Variants in GCN1 observed in about 807,000 individuals in gnomAD.
GCN1 encodes the protein GCN1 activator of EIF2AK4.
Under a neutral mutation model 288.4 loss-of-function variants are expected in GCN1, and 90 were observed. The observed-to-expected ratio is 0.31, with a 90% CI of 0.26 to 0.37. The LOEUF is 0.37. Among genes scored for constraint, GCN1 ranks in the 10% least tolerant of loss-of-function variants. GCN1 has a pLI of 1.00. For missense variants in GCN1, 2,586 were observed against 3,419.9 expected, an observed-to-expected ratio of 0.76 and a Z score of 6.08; for synonymous variants, 1,386 against 1,420.2, an observed-to-expected ratio of 0.98 and a Z score of 0.54.
At chr12:120,193,800 T>G (rs1313066567) in intron 1 of GCN1, among the ~76,000 whole-genome samples, 1 of 152,238 alleles carries the variant, frequency 6.6e-6, no homozygotes, top group African/African-American at 2.4e-5. Context: ...ATCAGCCACC[T>G]GCATAGGAGT....
intron 1 of GCN1, among the ~76,000 whole-genome samples, 200 bp downstream of exon 1, chr12:120,194,480 G>C (rs921744834): frequency 2.6e-5 from 4 of 152,196 alleles, no homozygotes; most frequent in African/African-American, 7.2e-5. Context: ...CGGACTCCTC[G>C]AGCCCGCGGT....
intron 22 of GCN1, among the ~76,000 whole-genome samples, 184 bp downstream of exon 22, chr12:120,161,306 A>G (rs56108585): frequency 0.015 from 2,295 of 152,270 alleles, 35 homozygotes; most frequent in Non-Finnish European, 0.02. Context: ...GGGTGGAAGA[A>G]GCTATGAAGC....
intron 51 of GCN1, among the ~76,000 whole-genome samples, chr12:120,135,035 C>T (rs1049446918): frequency 2.6e-5 from 4 of 152,190 alleles, no homozygotes; most frequent in African/African-American, 7.2e-5. Context: ...CTGTCCATAT[C>T]GATAAGTGAC....
In GCN1 at chr12:120,127,886, T is replaced by A. The variant is rs769464525; in HGVS notation, c.7979A>T (p.Asp2660Val). 6.2e-7 allele frequency: 1 copy of A among 1,613,866 alleles called. No individual in the cohort carries two copies. Among genetic ancestry groups the A allele is most frequent in the African/African-American group, 1.3e-5 (1 of 74,858 alleles). ...GGTGTCGTCCACCTGCTCCGTGGAGTCGGCCTGGCTGGCCAGCTTCTTCAG... is the reference window on the plus strand; with the variant it reads ...GGTGTCGTCCACCTGCTCCGTGGAGACGGCCTGGCTGGCCAGCTTCTTCAG... Reference protein sequence around the residue: ...RSLKKLASQADSTEQVDDTIL... With the variant: ...RSLKKLASQAVSTEQVDDTIL... Residue 2660 changes from aspartate to valine, a missense_variant, in exon 58 of 58, where the codon GAC becomes GTC. Asp to Val is a radical substitution (Grantham distance 152). This residue lies in a region of GCN1 where 355 missense variants were observed against 431.1 expected (regional missense o/e 0.82). Transcript: ENST00000300648.
rs376427872 is a variant in GCN1, at chr12:120,177,582, T to C, written c.730-27A>G. On this transcript the variant is annotated intron_variant, in intron 8 of 57. Coordinates refer to ENST00000300648, the MANE Select transcript of GCN1 (RefSeq NM_006836.2). ...TACAAAGAAAAAGGAATAAGGCACC[T>C]AGCCCTCATGGGAACGGACCAAGAA... 76 of 1,550,550 alleles carry C rather than the reference T, an allele frequency of 4.9e-5. No homozygotes were observed. In the African/African-American group the frequency reaches 8.5e-4, roughly 17 times the overall value.
intron 45 of GCN1, among the ~76,000 whole-genome samples, chr12:120,139,265 G>A (rs1287715417): frequency 6.6e-6 from 1 of 151,898 alleles, no homozygotes; most frequent in African/African-American, 2.4e-5. Context: ...AAAAGAGATG[G>A]TGCCCCTGTA....
Position 120,153,854 on chromosome 12 carries a change from C to A in GCN1, c.3757G>T (p.Val1253Leu). ...ACAAAAAACTGAAAGAGTGGCTTCA[C>A]CTGAGAGCTGTCCAAATACTGGGAG... ...KLSQYLDSSQ[V>L]KPLFQFFVPD... The change falls in exon 32 of 58, where the codon GTG becomes TTG. Residue 1253 changes from valine to leucine, a missense_variant. Val to Leu is a conservative substitution (Grantham distance 32, BLOSUM62 1). Coordinates refer to ENST00000300648, the MANE Select transcript of GCN1 (RefSeq NM_006836.2). This position sits in a 1 kb window ranked among gnomAD's most constrained non-coding sequence, Gnocchi z 4.4. 1 of 1,614,072 alleles carries A rather than the reference C, an allele frequency of 6.2e-7. No homozygotes were observed. The highest frequency in any genetic ancestry group is 8.5e-7 in the Non-Finnish European group (1 of 1,179,930).
At chr12:120,187,902 C>A (rs61552009) in intron 2 of GCN1, among the ~76,000 whole-genome samples, 28,669 of 138,744 alleles carry the variant, frequency 0.21, 3,299 homozygotes, top group East Asian at 0.53. Context: ...AAAAAAAAAA[C>A]AAAAAACTAG....
intron 56 of GCN1, 138 bp downstream of exon 56, chr12:120,130,508 G>A (rs972164080): frequency 1.5e-5 from 10 of 647,016 alleles, no homozygotes; most frequent in African/African-American, 1.3e-4. Context: ...ATCCCTAAGT[G>A]TTCAGCGATC....
Position 120,160,021 on chromosome 12 carries a change from C to T in GCN1, c.2553G>A (p.Leu851=). 6.2e-7 allele frequency: 1 copy of T among 1,614,024 alleles called. No individual in the cohort carries two copies. The highest frequency in any genetic ancestry group is 8.5e-7 in the Non-Finnish European group (1 of 1,179,888). Residue 851 remains leucine (L), a splice_region_variant and synonymous_variant, in exon 24 of 58, where the codon CTG becomes CTA. Transcript: ENST00000300648. The part of the protein sequence containing the change: ...EAQVRRRLQE[L]DGELEAALGL... ...CAAGCGCCGCCTCCAGCTCCCCATC[C>T]AGCTGCAAGCAGAGTTGTCCAGAAG...
rs146668740 is a variant in GCN1, at chr12:120,157,595, C to T, written c.3087+254G>A. On this transcript the variant is annotated intron_variant, in intron 26 of 57. Coordinates refer to ENST00000300648, the MANE Select transcript of GCN1 (RefSeq NM_006836.2). ...TACATCCATAGCACAGAATCTCATG[C>T]AGCCAACAAAGTCAATCAGGTGAAC... Among the ~76,000 whole-genome samples the T allele has an allele frequency of 3.8e-3, 581 of 152,338 alleles. 4 individuals are homozygous for T. The highest frequency in any genetic ancestry group is 0.013 in the African/African-American group (537 of 41,582).
chr12:120,144,223 G>T lies in GCN1; in HGVS notation c.5495+83C>A, dbSNP rs982544741. The T allele has an allele frequency of 3.4e-6, 5 of 1,478,200 alleles. No homozygotes were observed. In the African/African-American group the frequency reaches 4.2e-5, roughly 12 times the overall value. The allele number at this position is 1,478,200 out of a possible 1,614,324, so 91.6% of individuals were successfully genotyped here. On this transcript the variant is annotated intron_variant, in intron 42 of 57. Coordinates refer to ENST00000300648, the MANE Select transcript of GCN1 (RefSeq NM_006836.2). The surrounding 1 kb of genome is among the most constrained non-coding windows in gnomAD (Gnocchi z 4.7). The stretch of plus-strand genomic sequence containing the variant: ...ACTCCTGGGTTTAAGCAATCCTCCT[G>T]CCTCGGCTTTCCAGAGTGCTCGGAT...
rs755498611 is a variant in GCN1 at position 120,137,624 on chromosome 12, G to C, written c.6584C>G (p.Ser2195Trp). The change falls in exon 49 of 58, where the codon TCG (serine) becomes TGG (tryptophan). Residue 2195 changes from serine to tryptophan, a missense_variant. Coordinates refer to ENST00000300648, the MANE Select transcript of GCN1 (RefSeq NM_006836.2). The surrounding 1 kb of genome is among the most constrained non-coding windows in gnomAD (Gnocchi z 5.2). ...GTCATTGAAGAGGCGGATCAGGCCC[G>C]AGACCAGGCTCCGCAGGTGGCTGGT... Reference protein sequence around the residue: ...DYTSHLRSLVSGLIRLFNDSS... With the variant: ...DYTSHLRSLVWGLIRLFNDSS... The C allele has an allele frequency of 1.2e-6, 2 of 1,614,102 alleles. No individual in the cohort carries two copies. The highest frequency in any genetic ancestry group is 1.7e-6 in the Non-Finnish European group (2 of 1,179,942).
In GCN1 at chr12:120,144,267, C is replaced by G; in HGVS notation, c.5495+39G>C. On this transcript the variant is annotated intron_variant, in intron 42 of 57. Transcript: ENST00000300648. This position sits in a 1 kb window ranked among gnomAD's most constrained non-coding sequence, Gnocchi z 4.7. ...CTCGGATTATAGGCATGAGCCACCA[C>G]GCATCATCCCCACTGGGTCTTTCTG... 1.2e-6 allele frequency: 2 copies of G among 1,610,396 alleles called. No homozygotes were observed. Among genetic ancestry groups the G allele is most frequent in the Non-Finnish European group, 8.5e-7 (1 of 1,176,572 alleles).
At position 120,175,870 on chromosome 12, in the gene GCN1, G is replaced by A; in HGVS notation, c.918C>T (p.His306=). The change falls in exon 11 of 58, where the codon CAC becomes CAT. Residue 306 remains histidine, a synonymous_variant. Coordinates refer to ENST00000300648, the MANE Select transcript of GCN1 (RefSeq NM_006836.2). ...AMDIVKGLAG[H]LKSNSPRLMD... is the part of the protein sequence containing the mutation. ...TCAGGCGGGGACTGTTGGATTTCAG[G>A]TGACCTGCACACACAAAGCCACTGC... 1 of 1,608,054 alleles carries A rather than the reference G, an allele frequency of 6.2e-7. No individual in the cohort carries two copies. Among genetic ancestry groups the A allele is most frequent in the Non-Finnish European group, 8.5e-7 (1 of 1,178,216 alleles).
At position 120,142,511 on chromosome 12, in the gene GCN1, C is replaced by T. The variant is rs779006038; in HGVS notation, c.5825G>A (p.Arg1942Lys). 12 of 1,613,210 alleles carry T rather than the reference C, an allele frequency of 7.4e-6. No individual in the cohort carries two copies. In the East Asian group the frequency reaches 2.5e-4, roughly 33 times the overall value. Residue 1942 changes from arginine (R) to lysine (K), a missense_variant, in exon 44 of 58, where the codon AGA (arginine) becomes AAA (lysine). This residue lies in a region of GCN1 where 437 missense variants were observed against 570.5 expected (regional missense o/e 0.77). Coordinates refer to ENST00000300648, the MANE Select transcript of GCN1 (RefSeq NM_006836.2). This position sits in a 1 kb window ranked among gnomAD's most constrained non-coding sequence, Gnocchi z 4.9. The part of the protein sequence containing the change: ...GFLASTCADK[R>K]TIAARTLGDL... ...AACAAGGCCCAGGAAACTCACCGTT[C>T]TCTTATCTGCACACGTGCTGGCCAG...
chr12:120,147,330 C>G, intron 37 of GCN1, 58 bp from the exon 38 acceptor site: 1 of 963,804 alleles, frequency 1.0e-6, no homozygotes, highest in Non-Finnish European at 1.5e-6. Flanking sequence ...TGCAAGGCCC[C>G]TGGGCCCCCA....
chr12:120,162,376 T>C (rs375307577), intron 20 of GCN1: 4 of 404,254 alleles, frequency 9.9e-6, no homozygotes. Context: ...GGTGCAGAGA[T>C]GAGCATGGCA....
In GCN1 at chr12:120,156,798, C is replaced by T; in HGVS notation, c.3168+114G>A. 4.2e-6 allele frequency: 4 copies of T among 956,590 alleles called. No individual in the cohort carries two copies. The highest frequency in any genetic ancestry group is 6.7e-6 in the Non-Finnish European group (4 of 598,412). 59.3% of individuals were successfully genotyped at this position (956,590 alleles called of 1,614,324 possible). Reference sequence around the variant, plus strand: ...CTGGCTCTCTAAAGCAGTCTTTCTACCAAAGTCCAAAAGTAAGGGCTGAAA... The same window carrying T: ...CTGGCTCTCTAAAGCAGTCTTTCTATCAAAGTCCAAAAGTAAGGGCTGAAA... On this transcript the variant is annotated intron_variant, in intron 27 of 57. Coordinates refer to ENST00000300648, the MANE Select transcript of GCN1 (RefSeq NM_006836.2). This position sits in a 1 kb window ranked among gnomAD's most constrained non-coding sequence, Gnocchi z 5.8.
Sources: gnomAD v4.1 joint callset for allele counts (sites outside exome capture counted in the v4.1 genomes callset) on GRCh38, gnomAD v4.1.1 for gene constraint, gnomAD v4.1.1 regional missense constraint, Gnocchi (gnomAD v3.1) non-coding constraint, MANE v1.5 for transcripts, NCBI Gene and HGNC (gene_info 2026-07-23, HGNC 2026-07-21) for gene names.